Variants in HYDIN observed in about 807,000 individuals in gnomAD.
The protein encoded by HYDIN is axonemal central pair apparatus protein HYDIN.
HYDIN carries 132 observed loss-of-function variants against 403.9 expected under a neutral mutation model. The observed-to-expected ratio is 0.33, with a 90% CI of 0.28 to 0.38. The LOEUF (loss-of-function observed/expected upper bound fraction) is 0.38. Among genes scored for constraint, HYDIN ranks in the 10% least tolerant of loss-of-function variants. HYDIN has a pLI of 1.00. For missense variants in HYDIN, 2,827 were observed against 5,009.5 expected, an observed-to-expected ratio of 0.56 and a Z score of 13.15; for synonymous variants, 1,202 against 1,891.7, an observed-to-expected ratio of 0.64 and a Z score of 9.46.
intron 10 of HYDIN, chr16:71,113,436 C>G (rs1164905329): frequency 1.3e-5 from 2 of 152,048 alleles, no homozygotes. Context: ...CAGAGTAATA[C>G]AAGAACTTCT....
At chr16:71,101,691 T>C (rs936600692) in intron 10 of HYDIN, among the ~76,000 whole-genome samples, 26 of 152,174 alleles carry the variant, frequency 1.7e-4, no homozygotes, top group Admixed American at 9.2e-4. Flanking sequence ...AGTTGATCAA[T>C]ACTAAGAGAA....
intron 6 of HYDIN, among the ~76,000 whole-genome samples, chr16:71,162,077 C>T (rs1393854712): frequency 7.5e-6 from 1 of 132,886 alleles, no homozygotes; most frequent in African/African-American, 3.1e-5. Context: ...GGGAATGCAG[C>T]CCTGCTCTCA....
chr16:71,070,404 C>T (rs371888126), intron 13 of HYDIN, among the ~76,000 whole-genome samples: 3 of 151,078 alleles, frequency 2.0e-5, no homozygotes, highest in South Asian at 2.1e-4. Context: ...CCTCAACCTC[C>T]ACCTCCCAGG....
At chr16:71,139,327 T>C (rs1181948099) in intron 7 of HYDIN, among the ~76,000 whole-genome samples, 3 of 152,104 alleles carry the variant, frequency 2.0e-5, no homozygotes, top group Non-Finnish European at 4.4e-5. Flanking sequence ...CAATGTTGTT[T>C]AAAAAGCACA....
chr16:71,007,565 T>C (rs2079929360), intron 23 of HYDIN, among the ~76,000 whole-genome samples: 1 of 150,976 alleles, frequency 6.6e-6, no homozygotes, highest in Non-Finnish European at 1.5e-5. Flanking sequence ...AAAACGTTCA[T>C]TGTCACTAAT....
At chr16:70,924,834 G>T in intron 45 of HYDIN, among the ~76,000 whole-genome samples, 1 of 96,754 alleles carries the variant, frequency 1.0e-5, no homozygotes, top group African/African-American at 4.0e-5. Flanking sequence ...AGAGCATCAG[G>T]AAGAATAGTT....
At chr16:71,015,624 G>A (rs1333380745) in intron 23 of HYDIN, among the ~76,000 whole-genome samples, 6 of 151,840 alleles carry the variant, frequency 4.0e-5, no homozygotes, top group African/African-American at 9.7e-5. Context: ...GCCCAGGACC[G>A]GCTGCCGGCT....
At chr16:71,166,796 TG>T (rs2086244542) in intron 5 of HYDIN, among the ~76,000 whole-genome samples, 1 of 136,244 alleles carries the variant, frequency 7.3e-6, no homozygotes, top group Non-Finnish European at 1.6e-5. Flanking sequence ...TTAAAATGGC[TG>T]GGCGTGGTGG....
intron 21 of HYDIN, among the ~76,000 whole-genome samples, chr16:71,024,796 C>T (rs1253606997): frequency 9.4e-5 from 14 of 148,874 alleles, no homozygotes; most frequent in Admixed American, 5.4e-4. Flanking sequence ...TCTACCCTTA[C>T]GTAGAGCCAT....
At chr16:70,833,765 G>A (rs2037175279) in intron 79 of HYDIN, 122 bp downstream of exon 79, 1 of 645,066 alleles carries the variant, frequency 1.6e-6, no homozygotes, top group East Asian at 2.8e-5. Flanking sequence ...GAGGGAAGCA[G>A]GGGGATGTAG....
At chr16:70,811,648 G>A (rs2143430669) in intron 84 of HYDIN, among the ~76,000 whole-genome samples, 1 of 149,620 alleles carries the variant, frequency 6.7e-6, no homozygotes, top group Admixed American at 6.7e-5. Flanking sequence ...ACCTGAGATT[G>A]GGAGTTTGAG....
At chr16:70,964,245 A>G (rs1275885184) in intron 37 of HYDIN, among the ~76,000 whole-genome samples, 1 of 148,684 alleles carries the variant, frequency 6.7e-6, no homozygotes, top group Admixed American at 6.9e-5. Flanking sequence ...GTGAATGCCC[A>G]CCCCCTGCTT....
At position 70,807,886 on chromosome 16, in the gene HYDIN, C is replaced by G; in HGVS notation, c.15060G>C (p.Met5020Ile). 1 of 1,614,018 alleles carries G rather than the reference C, an allele frequency of 6.2e-7. No homozygotes were observed. The highest frequency in any genetic ancestry group is 2.2e-5 in the East Asian group (1 of 44,898). ...GGEYIIPLFG[M>I]ALPPKPQGPF... ...GACCTTGGGGCTTGGGAGGCAGAGC[C>G]ATTCCAAAGAGGGGGATGATATACT... Residue 5020 changes from methionine (M) to isoleucine (I), a missense_variant, in exon 86 of 86, where the codon ATG (methionine) becomes ATC (isoleucine). By Grantham distance (10) the Met-to-Ile change is conservative. Transcript: ENST00000393567.
At position 71,175,693 on chromosome 16, in the gene HYDIN, C is replaced by G; in HGVS notation, c.430G>C (p.Val144Leu). Residue 144 changes from valine to leucine, a missense_variant, in exon 5 of 86, where the codon GTA becomes CTA. By Grantham distance (32) the Val-to-Leu change is conservative. Coordinates refer to ENST00000393567, the MANE Select transcript of HYDIN (RefSeq NM_001270974.2). ...VVEESSPYFKVISPKDIGHKV... is the reference protein window; with the variant it reads ...VVEESSPYFKLISPKDIGHKV... ...TGGCCAATATCTTTGGGGCTGATTACTTTAAAGTAAGGCGAACTTTCTTCC... is the reference window on the plus strand; with the variant it reads ...TGGCCAATATCTTTGGGGCTGATTAGTTTAAAGTAAGGCGAACTTTCTTCC... 1.2e-6 allele frequency: 2 copies of G among 1,614,200 alleles called. No individual in the cohort carries two copies. The highest frequency in any genetic ancestry group is 3.3e-5 in the Admixed American group (2 of 60,026).
chr16:70,858,775 A>G (rs2039193357), intron 71 of HYDIN, among the ~76,000 whole-genome samples: 1 of 152,242 alleles, frequency 6.6e-6, no homozygotes, highest in Non-Finnish European at 1.5e-5. Flanking sequence ...CCGAGCTCAC[A>G]TTTGAAACAT....
At chr16:71,157,632 C>A (rs4078310) in intron 6 of HYDIN, among the ~76,000 whole-genome samples, 1 of 152,222 alleles carries the variant, frequency 6.6e-6, no homozygotes, top group African/African-American at 2.4e-5. Flanking sequence ...CTTGAGGCAA[C>A]TCACAGAATC....
chr16:70,970,285 T>C (rs1286329070), intron 36 of HYDIN, among the ~76,000 whole-genome samples: 1 of 84,050 alleles, frequency 1.2e-5, no homozygotes, highest in Non-Finnish European at 2.3e-5. Context: ...TAACTCAACT[T>C]CAAATACAAT....
At chr16:70,921,777 GTATTGTATACAATGGA>G (rs1160876709) in intron 45 of HYDIN, among the ~76,000 whole-genome samples, 1 of 152,220 alleles carries the variant, frequency 6.6e-6, no homozygotes, top group African/African-American at 2.4e-5. Flanking sequence ...AACCACACAT[GTATTGTATACAATGGA>G]TATTGATGGG....
At chr16:71,207,144 A>G (rs1268305877) in intron 1 of HYDIN, among the ~76,000 whole-genome samples, 9 of 152,184 alleles carry the variant, frequency 5.9e-5, no homozygotes, top group Non-Finnish European at 1.5e-5. Flanking sequence ...CAAGGTTGAA[A>G]TGAAGGAAAA....
Sources: allele counts gnomAD v4.1 joint callset (sites outside exome capture counted in the v4.1 genomes callset), GRCh38; gene constraint gnomAD v4.1.1; transcripts MANE v1.5; gene names NCBI Gene and HGNC (gene_info 2026-07-23, HGNC 2026-07-21).